Variants in IREB2 observed in about 807,000 individuals in gnomAD.
IREB2 encodes the protein iron-responsive element-binding protein 2.
In IREB2, 39 loss-of-function variants were observed where a neutral mutation model predicts 118.8. The ratio of observed to expected loss-of-function variants is 0.33; its 90% CI spans 0.25 to 0.43. The LOEUF is 0.43. Ranked by LOEUF, IREB2 falls within the 20% of genes least tolerant of loss-of-function variation. IREB2 has a pLI of 1.00. For synonymous variants in IREB2, 372 were observed against 392.2 expected (o/e 0.95, Z 0.61); for missense variants, 900 against 1,147.3 (o/e 0.78, Z 3.11).
At chr15:78,487,459 C>T (rs12101809) in intron 13 of IREB2, among the ~76,000 whole-genome samples, 35,416 of 151,950 alleles carry the variant, frequency 0.23, 4,351 homozygotes, top group South Asian at 0.35. Flanking sequence ...TGGTGGCGAG[C>T]GCCTGTGGCC....
At chr15:78,451,046 C>T (rs966865803) in intron 2 of IREB2, among the ~76,000 whole-genome samples, 4 of 152,094 alleles carry the variant, frequency 2.6e-5, no homozygotes, top group Non-Finnish European at 5.9e-5. Flanking sequence ...CTCACTGCAA[C>T]CTCCATCTCT....
intron 16 of IREB2, among the ~76,000 whole-genome samples, chr15:78,489,657 G>A (rs1442709522): frequency 1.3e-5 from 2 of 152,004 alleles, no homozygotes; most frequent in Admixed American, 1.3e-4. Context: ...TGGGGCCACA[G>A]GCGCTCACCA....
intron 2 of IREB2, among the ~76,000 whole-genome samples, chr15:78,458,399 A>G (rs1402815291): frequency 6.6e-6 from 1 of 152,128 alleles, no homozygotes; most frequent in Admixed American, 6.5e-5. Context: ...AGTAGGGAGT[A>G]TATGGGAAAT....
At chr15:78,471,979 A>G (rs2051387509) in intron 7 of IREB2, 55 bp downstream of exon 7, 1 of 1,300,972 alleles carries the variant, frequency 7.7e-7, no homozygotes, top group African/African-American at 1.5e-5. Flanking sequence ...TGTCAAGAAC[A>G]TTGTAAAAGA....
intron 16 of IREB2, 75 bp from the exon 17 acceptor site, chr15:78,490,347 G>C: frequency 1.1e-6 from 1 of 885,700 alleles, no homozygotes; most frequent in Non-Finnish European, 1.8e-6. Context: ...TTATTCCCTT[G>C]ATCATTTTCA....
At chr15:78,453,986 A>G (rs1405947464) in intron 2 of IREB2, among the ~76,000 whole-genome samples, 1 of 152,202 alleles carries the variant, frequency 6.6e-6, no homozygotes, top group African/African-American at 2.4e-5. Flanking sequence ...AACCACAACA[A>G]ATTACCATTC....
intron 2 of IREB2, among the ~76,000 whole-genome samples, chr15:78,448,660 T>C (rs2050972710): frequency 6.6e-6 from 1 of 152,194 alleles, no homozygotes; most frequent in Non-Finnish European, 1.5e-5. Flanking sequence ...TTACAGGGCC[T>C]TCTAGAACAG....
Position 78,473,523 on chromosome 15 carries a change from G to C in IREB2, c.1023+142G>C, listed in dbSNP as rs1015015199. On this transcript the variant is annotated intron_variant, in intron 8 of 21. Transcript: ENST00000258886. ...TAGCCACATCATCATAGTTATCATA[G>C]TAATAACAACAAACAGAGCATTTAG... 4.8e-6 allele frequency: 3 copies of C among 629,658 alleles called. No homozygotes were observed. The Admixed American group carries it at 9.1e-5, about 19-fold the overall frequency. The allele number at this position is 629,658 out of a possible 1,614,324, so 39.0% of individuals were successfully genotyped here.
At position 78,485,859 on chromosome 15, in the gene IREB2, A is replaced by G. The variant is rs753583321; in HGVS notation, c.1709+19A>G. ...AGCTTGGGTAAGTAACAGCTATCGCACTTCATATTGATATTGGTGTTCAGT... is the reference window on the plus strand; with the variant it reads ...AGCTTGGGTAAGTAACAGCTATCGCGCTTCATATTGATATTGGTGTTCAGT... On this transcript the variant is annotated intron_variant, in intron 13 of 21. Coordinates refer to ENST00000258886, the MANE Select transcript of IREB2 (RefSeq NM_004136.4). 2 of 1,607,716 alleles carry G rather than the reference A, an allele frequency of 1.2e-6. No homozygotes were observed. Among genetic ancestry groups the G allele is most frequent in the South Asian group, 1.1e-5 (1 of 90,614 alleles).
intron 11 of IREB2, 96 bp downstream of exon 11, chr15:78,483,530 G>C (rs1286687133): frequency 1.7e-5 from 12 of 714,922 alleles, no homozygotes; most frequent in Non-Finnish European, 3.1e-5. Flanking sequence ...TCACTGCTAT[G>C]TTTTATATAT....
At chr15:78,494,646 T>TTGC (rs2051809264) in intron 20 of IREB2, among the ~76,000 whole-genome samples, 1 of 152,328 alleles carries the variant, frequency 6.6e-6, no homozygotes, top group South Asian at 2.1e-4. Context: ...CAATCACTGC[T>TTGC]TGCTGCAGCC....
chr15:78,487,756 G>A lies in IREB2; in HGVS notation c.1733G>A (p.Cys578Tyr), dbSNP rs1300006379. The change falls in exon 14 of 22, where the codon TGT becomes TAT. Residue 578 changes from cysteine to tyrosine, a missense_variant. By Grantham distance (194) the Cys-to-Tyr change is radical (BLOSUM62 -2). Transcript: ENST00000258886. ...KLGFEIVGYGCSICVGNTAPL... is the reference protein window; with the variant it reads ...KLGFEIVGYGYSICVGNTAPL... ...AGATTTGAAATCGTTGGCTATGGATGTTCAATTTGTGTGGGAAATACAGCA... is the reference window on the plus strand; with the variant it reads ...AGATTTGAAATCGTTGGCTATGGATATTCAATTTGTGTGGGAAATACAGCA... 1 of 1,605,414 alleles carries A rather than the reference G, an allele frequency of 6.2e-7. No individual in the cohort carries two copies. Among genetic ancestry groups the A allele is most frequent in the Admixed American group, 1.7e-5 (1 of 59,818 alleles).
At chr15:78,456,890 C>T (rs1162865451) in intron 2 of IREB2, among the ~76,000 whole-genome samples, 3 of 151,984 alleles carry the variant, frequency 2.0e-5, no homozygotes, top group Non-Finnish European at 4.4e-5. Flanking sequence ...TTAAATTGCC[C>T]TTCTTATACT....
intron 10 of IREB2, among the ~76,000 whole-genome samples, chr15:78,481,522 A>AT (rs145058390): frequency 0.15 from 20,840 of 137,854 alleles, 2,024 homozygotes; most frequent in South Asian, 0.32. Context: ...CACCTCGCTA[A>AT]TTTTTTTTTT....
chr15:78,479,435 C>T (rs534705774), intron 10 of IREB2, among the ~76,000 whole-genome samples: 9 of 147,158 alleles, frequency 6.1e-5, no homozygotes, highest in East Asian at 2.0e-4. Flanking sequence ...AGGATTTTGC[C>T]GTGTTGCTTA....
At chr15:78,474,882 C>T (rs948934478) in intron 8 of IREB2, 5 of 151,180 alleles carry the variant, frequency 3.3e-5, no homozygotes, top group Admixed American at 6.6e-5. Flanking sequence ...GGTGAAACCC[C>T]GTCTCTACTA....
chr15:78,462,429 G>A (rs934481679), intron 2 of IREB2, among the ~76,000 whole-genome samples: 12 of 152,100 alleles, frequency 7.9e-5, no homozygotes, highest in Admixed American at 2.0e-4. Context: ...CAAAGTTTTC[G>A]TGAAATGAAT....
At chr15:78,446,866 A>G (rs2050937989) in intron 2 of IREB2, among the ~76,000 whole-genome samples, 1 of 140,466 alleles carries the variant, frequency 7.1e-6, no homozygotes, top group Non-Finnish European at 1.5e-5. Flanking sequence ...TAGTGTTAGC[A>G]AAGAATGCCA....
chr15:78,484,947 T>C (rs1212845509), intron 12 of IREB2, 27 bp downstream of exon 12: 1 of 1,594,588 alleles, frequency 6.3e-7, no homozygotes, highest in Non-Finnish European at 8.5e-7. Context: ...GGCCATACTT[T>C]TTCTTTTTCC....
Sources: gnomAD v4.1 joint callset for allele counts (sites outside exome capture counted in the v4.1 genomes callset) on GRCh38, gnomAD v4.1.1 for gene constraint, MANE v1.5 for transcripts, NCBI Gene and HGNC (gene_info 2026-07-23, HGNC 2026-07-21) for gene names.